KDM2B: variants seen among roughly 807,000 people sequenced by gnomAD.
KDM2B encodes the protein lysine demethylase 2B, also known as lysine-specific demethylase 2B.
A neutral mutation model predicts 150.0 loss-of-function variants in KDM2B; 26 were observed. That is an observed-to-expected ratio of 0.17 (90% CI 0.13 to 0.24). The LOEUF (loss-of-function observed/expected upper bound fraction) is 0.24. Ranked by LOEUF, KDM2B falls within the 10% of genes least tolerant of loss-of-function variation. The pLI is 1.00. For synonymous variants in KDM2B, 734 were observed against 729.5 expected (o/e 1.01, Z -0.10); for missense variants, 1,265 against 1,816.9 (o/e 0.70, Z 5.52).
At chr12:121,510,112 C>CACCA in intron 10 of KDM2B, 73 bp from the exon 11 acceptor site, 1 of 1,277,478 alleles carries the variant, frequency 7.8e-7, no homozygotes, top group Non-Finnish European at 1.1e-6. Context: ...AACCTCCACT[C>CACCA]ACCAAAAGTC....
rs368971405 is a variant in KDM2B, at chr12:121,575,436, G to A, written c.350+345C>T. Among the ~76,000 whole-genome samples the A allele has an allele frequency of 2.6e-5, 4 of 152,244 alleles. No individual in the cohort carries two copies. Among genetic ancestry groups the A allele is most frequent in the African/African-American group, 9.6e-5 (4 of 41,468 alleles). ...TTAGAGGCTGGCTAGTCTCTTTGCA[G>A]CTCAGGCTCTGCCTCAGTCTCCTGA... On this transcript the variant is annotated intron_variant, in intron 3 of 22. Transcript: ENST00000377071. The surrounding 1 kb of genome is among the most constrained non-coding windows in gnomAD (Gnocchi z 4.4).
chr12:121,519,529 CA>C (rs1162151229), intron 9 of KDM2B, among the ~76,000 whole-genome samples: 1 of 152,138 alleles, frequency 6.6e-6, no homozygotes, highest in African/African-American at 2.4e-5. Flanking sequence ...AAACCAGACA[CA>C]AAAGGCCACA....
the KDM2B span, chr12:121,416,732 C>A: frequency 5.0e-6 from 1 of 199,604 alleles, no homozygotes; most frequent in Non-Finnish European, 1.0e-5. Context: ...AAAAGTATCC[C>A]GTACCTTAAC....
chr12:121,502,758 A>AC (rs1348972499), intron 11 of KDM2B, among the ~76,000 whole-genome samples: 18 of 114,586 alleles, frequency 1.6e-4, no homozygotes, highest in Non-Finnish European at 3.1e-4. Flanking sequence ...CCCCATCTCT[A>AC]CCAAAAAAAA....
intron 8 of KDM2B, among the ~76,000 whole-genome samples, chr12:121,525,134 G>A (rs1555306590): frequency 1.3e-5 from 2 of 152,310 alleles, no homozygotes; most frequent in Admixed American, 1.3e-4. Context: ...GCCAGGATCA[G>A]GAACGAACCT....
chr12:121,502,406 G>C lies in KDM2B; in HGVS notation c.1647+7161C>G, dbSNP rs964536664. Among the ~76,000 whole-genome samples, 12 of 152,206 alleles carry C rather than the reference G, an allele frequency of 7.9e-5. 1 individual carries two copies. Among genetic ancestry groups the C allele is most frequent in the Non-Finnish European group, 4.4e-5 (3 of 68,044 alleles). On this transcript the variant is annotated intron_variant, in intron 11 of 22. Coordinates refer to ENST00000377071, the MANE Select transcript of KDM2B (RefSeq NM_032590.5). ...GGAGGCCGAGATAGGCAGATTGCTTGAGGCCAGGAGTTCGAGACCAGCCTG... is the reference window on the plus strand; with the variant it reads ...GGAGGCCGAGATAGGCAGATTGCTTCAGGCCAGGAGTTCGAGACCAGCCTG...
rs1198509153 is a variant in KDM2B, at chr12:121,467,562, C to G, written c.1735-14218G>C. ...GCGGGCCGCCGAGGGCGGTCCCTCG[C>G]GGCCGGAGCGCGGGGACTGGGGCTG... On this transcript the variant is annotated intron_variant, in intron 12 of 22. Transcript: ENST00000377071. This position sits in a 1 kb window ranked among gnomAD's most constrained non-coding sequence, Gnocchi z 5.1. The G allele has an allele frequency of 6.6e-6, 1 of 151,806 alleles. No individual in the cohort carries two copies. The highest frequency in any genetic ancestry group is 1.4e-5 in the Non-Finnish European group (1 of 70,222). The allele number at this position is 151,806 out of a possible 1,614,324, so 9.4% of individuals were successfully genotyped here.
At chr12:121,411,409 C>CT in the KDM2B span, among the ~76,000 whole-genome samples, 7 of 152,124 alleles carry the variant, frequency 4.6e-5, no homozygotes, top group Admixed American at 1.3e-4. Context: ...ATAAGTCCTT[C>CT]TATTCCCTTT....
At chr12:121,423,873 G>A in the KDM2B span, 2 of 344,808 alleles carry the variant, frequency 5.8e-6, no homozygotes, top group Non-Finnish European at 1.1e-5. This position sits in a 1 kb window ranked among gnomAD's most constrained non-coding sequence, Gnocchi z 4.3. Context: ...CTGCTGTCTT[G>A]GGAGGACACT....
intron 12 of KDM2B, among the ~76,000 whole-genome samples, chr12:121,481,849 G>T (rs566377046): frequency 1.8e-4 from 27 of 152,176 alleles, no homozygotes; most frequent in Admixed American, 5.2e-4. Flanking sequence ...TGCAATCTCG[G>T]CTCACTGCAA....
intron 12 of KDM2B, among the ~76,000 whole-genome samples, chr12:121,463,092 G>A (rs1434549444): frequency 2.6e-5 from 4 of 151,676 alleles, no homozygotes; most frequent in Admixed American, 2.6e-4. Flanking sequence ...CAAGGCGGGT[G>A]GATCACAAGG....
At chr12:121,413,415 C>CTTTTTT in the KDM2B span, among the ~76,000 whole-genome samples, 1 of 130,694 alleles carries the variant, frequency 7.7e-6, no homozygotes, top group African/African-American at 3.2e-5. Flanking sequence ...TTTACCTGTC[C>CTTTTTT]TTTTTTTTTT....
intron 11 of KDM2B, among the ~76,000 whole-genome samples, chr12:121,507,045 C>T (rs564234854): frequency 3.0e-4 from 44 of 148,518 alleles, no homozygotes; most frequent in Non-Finnish European, 5.3e-4. Context: ...TGCAGTAAGC[C>T]GAGATCACGC....
At chr12:121,546,944 C>A (rs539321685) in intron 6 of KDM2B, among the ~76,000 whole-genome samples, 1 of 151,640 alleles carries the variant, frequency 6.6e-6, no homozygotes, top group African/African-American at 2.4e-5. Context: ...GATCTGCCCC[C>A]TCTTGGCCTC....
At chr12:121,547,287 G>C (rs578250443) in intron 6 of KDM2B, among the ~76,000 whole-genome samples, 1 of 152,314 alleles carries the variant, frequency 6.6e-6, no homozygotes. Context: ...CCCAGTCTCT[G>C]CCTTTGATGC....
chr12:121,528,387 C>T (rs942152606), intron 8 of KDM2B, among the ~76,000 whole-genome samples: 15 of 151,952 alleles, frequency 9.9e-5, no homozygotes, highest in Non-Finnish European at 1.6e-4. Context: ...GGAAAAACCC[C>T]GTCTCCACTA....
At chr12:121,543,260 G>A (rs969505278) in intron 6 of KDM2B, among the ~76,000 whole-genome samples, 3 of 152,176 alleles carry the variant, frequency 2.0e-5, no homozygotes, top group Admixed American at 6.5e-5. Flanking sequence ...GGAGGCTGAT[G>A]CAGGAGAATC....
intron 14 of KDM2B, 177 bp downstream of exon 14, chr12:121,445,098 T>G: frequency 1.5e-6 from 1 of 652,704 alleles, no homozygotes. Context: ...ACTGGGTCTC[T>G]GAGGTACTCC....
intron 13 of KDM2B, among the ~76,000 whole-genome samples, chr12:121,450,998 T>C (rs554659670): frequency 1.3e-5 from 2 of 152,288 alleles, no homozygotes; most frequent in Non-Finnish European, 2.9e-5. Flanking sequence ...GCAAGCCCAC[T>C]TCTGGGCATG....
Sources: gnomAD v4.1 joint callset for allele counts (sites outside exome capture counted in the v4.1 genomes callset) on GRCh38, gnomAD v4.1.1 for gene constraint, Gnocchi (gnomAD v3.1) non-coding constraint, MANE v1.5 for transcripts, NCBI Gene and HGNC (gene_info 2026-07-23, HGNC 2026-07-21) for gene names.